The following SLC36A4 variants were observed in gnomAD, a reference collection of about 807,000 sequenced individuals.
The protein encoded by SLC36A4 is neutral amino acid uniporter 4.
A neutral mutation model predicts 50.5 loss-of-function variants in SLC36A4; 49 were observed. That is an observed-to-expected ratio of 0.97 (90% confidence interval 0.77 to 1.23). The LOEUF (loss-of-function observed/expected upper bound fraction) is 1.23. Among genes scored for constraint, SLC36A4 ranks in the 50% most tolerant of loss-of-function variants. SLC36A4 has a pLI of 0.00. For synonymous variants in SLC36A4, 207 were observed against 206.5 expected (o/e 1.00, Z -0.02); for missense variants, 611 against 608.4 (o/e 1.00, Z -0.05).
At chr11:93,185,246 T>C (rs897825410) in intron 2 of SLC36A4, 3 of 152,728 alleles carry the variant, frequency 2.0e-5, no homozygotes, top group Non-Finnish European at 2.9e-5. Flanking sequence ...TTCTGATCAA[T>C]TGCATATTAC....
Position 93,184,223 on chromosome 11 carries a change from A to G in SLC36A4, c.270+207T>C, listed in dbSNP as rs186440415. On this transcript the variant is annotated intron_variant, in intron 3 of 10. Transcript: ENST00000326402. ...GCTTTTTTTTGGCTAAATATTACAA[A>G]TAAGTAATGAAGTAGAAATGAATAA... Among the ~76,000 whole-genome samples, 644 of 152,318 alleles carry G rather than the reference A, an allele frequency of 4.2e-3. 4 individuals are homozygous for G. The highest frequency in any genetic ancestry group is 0.015 in the African/African-American group (613 of 41,562).
At chr11:93,172,114 T>A (rs1861170534) in intron 6 of SLC36A4, among the ~76,000 whole-genome samples, 1 of 151,884 alleles carries the variant, frequency 6.6e-6, no homozygotes, top group Non-Finnish European at 1.5e-5. Context: ...TAGTAAAAGT[T>A]AGAAGAAATA....
intron 7 of SLC36A4, 127 bp from the exon 8 acceptor site, chr11:93,166,143 G>A (rs1257803104): frequency 2.4e-6 from 3 of 1,264,912 alleles, no homozygotes; most frequent in Non-Finnish European, 3.1e-6. Context: ...TTGAATAATT[G>A]TTTCAACAAA....
chr11:93,154,073 AAATT>A, intron 10 of SLC36A4, 31 bp downstream of exon 10: 2 of 1,024,906 alleles, frequency 2.0e-6, no homozygotes, highest in East Asian at 3.2e-5. Context: ...GAACAATAAA[AAATT>A]ATTATGATAT....
rs1215055413 is a variant in SLC36A4, at chr11:93,144,881, G to A, written c.*3656C>T. The A allele has an allele frequency of 1.3e-5, 2 of 151,968 alleles. No homozygotes were observed. The highest frequency in any genetic ancestry group is 2.9e-5 in the Non-Finnish European group (2 of 67,938). 9.4% of individuals were successfully genotyped at this position (151,968 alleles called of 1,614,324 possible). ...TAAAAAGTCATTATTGTATATTATC[G>A]ATGTTCTGTATGTTAACCAAATTAT... On this transcript the variant is annotated 3_prime_UTR_variant, in exon 11 of 11. Transcript: ENST00000326402.
rs1278256946 is a variant in SLC36A4, at chr11:93,162,727, A to G, written c.1016T>C (p.Leu339Ser). 2 of 1,610,260 alleles carry G rather than the reference A, an allele frequency of 1.2e-6. No homozygotes were observed. The highest frequency in any genetic ancestry group is 2.2e-5 in the South Asian group (2 of 90,474). The change falls in exon 9 of 11, where the codon TTA (leucine) becomes TCA (serine). Residue 339 changes from leucine to serine, a missense_variant. Coordinates refer to ENST00000326402, the MANE Select transcript of SLC36A4 (RefSeq NM_152313.4). ...CTACCATACATCTTGGGGAAGATTTAAAGTTATGCTGCCTTTGATTTCATC... is the reference window on the plus strand; with the variant it reads ...CTACCATACATCTTGGGGAAGATTTGAAGTTATGCTGCCTTTGATTTCATC... ...FHDEIKGSITLNLPQDVWLYQ... is the reference protein window; with the variant it reads ...FHDEIKGSITSNLPQDVWLYQ...
intron 6 of SLC36A4, among the ~76,000 whole-genome samples, chr11:93,169,506 A>G (rs986751277): frequency 3.9e-5 from 6 of 152,194 alleles, no homozygotes; most frequent in African/African-American, 1.4e-4. Flanking sequence ...CATTTCTGAA[A>G]TAACAATTTA....
chr11:93,195,431 GACTA>G (rs1388669724), intron 1 of SLC36A4, among the ~76,000 whole-genome samples: 4 of 152,044 alleles, frequency 2.6e-5, no homozygotes, highest in Non-Finnish European at 4.4e-5. Context: ...TATACCTAGA[GACTA>G]ACTATGTCTA....
chr11:93,153,137 T>A (rs1860177779), intron 10 of SLC36A4, among the ~76,000 whole-genome samples: 1 of 152,104 alleles, frequency 6.6e-6, no homozygotes, highest in South Asian at 2.1e-4. Flanking sequence ...GCTGCTCAAA[T>A]CAATTTATTG....
intron 3 of SLC36A4, among the ~76,000 whole-genome samples, chr11:93,183,383 A>T (rs1205057673): frequency 6.6e-6 from 1 of 152,200 alleles, no homozygotes; most frequent in Non-Finnish European, 1.5e-5. Context: ...AAAATACTTT[A>T]AATATTTATT....
Position 93,158,262 on chromosome 11 carries a change from C to T in SLC36A4, c.1038-3985G>A, listed in dbSNP as rs1860456070. Among the ~76,000 whole-genome samples the T allele has an allele frequency of 5.9e-5, 9 of 152,046 alleles. No individual in the cohort carries two copies. In the South Asian group the frequency reaches 1.9e-3, roughly 32 times the overall value. ...AACTGTGGATAATTAAACAAATATT[C>T]TTGTTAGTTAATTAGTTTAACAGGA... On this transcript the variant is annotated intron_variant, in intron 9 of 10. Transcript: ENST00000326402.
At chr11:93,167,875 C>T (rs1172761891) in intron 7 of SLC36A4, 69 bp downstream of exon 7, 3 of 960,164 alleles carry the variant, frequency 3.1e-6, no homozygotes, top group Admixed American at 2.3e-5. Context: ...TTACTTTTAC[C>T]TCCACAGTAA....
At chr11:93,194,436 A>C (rs1737488725) in intron 1 of SLC36A4, among the ~76,000 whole-genome samples, 1 of 152,180 alleles carries the variant, frequency 6.6e-6, no homozygotes, top group South Asian at 2.1e-4. Flanking sequence ...GAGGTGGAAG[A>C]AATATACACA....
chr11:93,190,371 T>C (rs1160490038), intron 1 of SLC36A4, among the ~76,000 whole-genome samples: 1 of 152,170 alleles, frequency 6.6e-6, no homozygotes, highest in Non-Finnish European at 1.5e-5. Context: ...GAAATGGATT[T>C]GAAATGTTCC....
At chr11:93,172,345 C>T (rs1034025802) in intron 6 of SLC36A4, among the ~76,000 whole-genome samples, 1 of 151,882 alleles carries the variant, frequency 6.6e-6, no homozygotes, top group Non-Finnish European at 1.5e-5. Context: ...TCCTGGTGCA[C>T]CCATCAATGA....
intron 4 of SLC36A4, chr11:93,182,378 A>G (rs11020190): frequency 0.19 from 47,638 of 245,396 alleles, 5,464 homozygotes; most frequent in East Asian, 0.43. Context: ...ACTGTCCAGT[A>G]GAAGTATTTC....
intron 6 of SLC36A4, among the ~76,000 whole-genome samples, chr11:93,175,113 T>C (rs377762504): frequency 2.0e-5 from 3 of 151,790 alleles, no homozygotes; most frequent in East Asian, 1.9e-4. Flanking sequence ...TGATTATTGC[T>C]ACAATTTCAG....
chr11:93,166,413 C>T (rs1590948785), intron 7 of SLC36A4: 1 of 992,014 alleles, frequency 1.0e-6, no homozygotes, highest in Non-Finnish European at 1.2e-6. Flanking sequence ...AATTCATTCT[C>T]CACTCTATTT....
intron 9 of SLC36A4, 131 bp from the exon 10 acceptor site, chr11:93,154,408 C>G: frequency 2.4e-6 from 1 of 419,078 alleles, no homozygotes; most frequent in Non-Finnish European, 4.1e-6. Flanking sequence ...ACTAAAAATG[C>G]TTGTTTGTAA....
Sources: gnomAD v4.1 joint callset for allele counts (sites outside exome capture counted in the v4.1 genomes callset) on GRCh38, gnomAD v4.1.1 for gene constraint, MANE v1.5 for transcripts, NCBI Gene and HGNC (gene_info 2026-07-23, HGNC 2026-07-21) for gene names.